POU2F1: variants seen among roughly 807,000 people sequenced by gnomAD.
POU2F1 encodes the protein POU domain, class 2, transcription factor 1.
POU2F1 carries 16 observed loss-of-function variants against 84.9 expected under a neutral mutation model. The observed-to-expected ratio is 0.19, with a 90% confidence interval of 0.13 to 0.29. The LOEUF (loss-of-function observed/expected upper bound fraction) is 0.29, where lower values mean the gene tolerates loss of function less well. POU2F1 is among the 10% of genes least tolerant of loss of function. POU2F1 has a pLI of 1.00. For synonymous variants in POU2F1, 368 were observed against 368.3 expected (o/e 1.00, Z 0.01); for missense variants, 738 against 942.6 (o/e 0.78, Z 2.84).
chr1:167,324,652 T>G (rs542810513), intron 1 of POU2F1, among the ~76,000 whole-genome samples: 1 of 152,232 alleles, frequency 6.6e-6, no homozygotes, highest in East Asian at 1.9e-4. Flanking sequence ...TGTGCCTGAG[T>G]CCCCAACCCC....
chr1:167,326,619 G>T (rs1656724384), intron 1 of POU2F1, among the ~76,000 whole-genome samples: 1 of 152,046 alleles, frequency 6.6e-6, no homozygotes, highest in Non-Finnish European at 1.5e-5. Flanking sequence ...TTTTTTTCTG[G>T]GTGAGCTTTG....
At chr1:167,369,251 G>A (rs1294350955) in intron 3 of POU2F1, among the ~76,000 whole-genome samples, 2 of 152,136 alleles carry the variant, frequency 1.3e-5, no homozygotes, top group Non-Finnish European at 2.9e-5. Context: ...TGCAGCATAA[G>A]CAATGCTGTA....
Position 167,294,353 on chromosome 1 carries a change from A to G in POU2F1, c.62-38117A>G, listed in dbSNP as rs577881561. On this transcript the variant is annotated intron_variant, in intron 1 of 15. Transcript: ENST00000367866. ...GACAGAGTGAGACTCCATCTAAAAA[A>G]TAATAATAAAAAAAGAATCATGACT... Among the ~76,000 whole-genome samples the G allele has an allele frequency of 1.3e-3, 201 of 152,090 alleles. 1 individual carries two copies. Among genetic ancestry groups the G allele is most frequent in the African/African-American group, 4.6e-3 (189 of 41,492 alleles).
At chr1:167,367,970 T>A (rs1659790104) in intron 3 of POU2F1, among the ~76,000 whole-genome samples, 1 of 152,134 alleles carries the variant, frequency 6.6e-6, no homozygotes, top group Admixed American at 6.6e-5. Context: ...TTATAACCAT[T>A]TACTTCTAAA....
intron 2 of POU2F1, among the ~76,000 whole-genome samples, chr1:167,351,506 T>C (rs12724363): frequency 0.19 from 14,374 of 76,918 alleles, 2,012 homozygotes; most frequent in African/African-American, 0.45. Flanking sequence ...TCAGGAAGAA[T>C]GAAGCACCAT....
chr1:167,393,497 TATTTA>T lies in POU2F1; in HGVS notation c.988-2788_988-2784del, dbSNP rs933167594. 2.0e-4 allele frequency among the ~76,000 whole-genome samples: 30 copies of T among 152,208 alleles called. No homozygotes were observed. In the East Asian group the frequency reaches 5.4e-3, roughly 27 times the overall value. On this transcript the variant is annotated intron_variant, in intron 9 of 15. Transcript: ENST00000367866. ...TTTTTTAATATATATTTTATTTACT[TATTTA>T]TTTATTTTTTTTAGAGAGAGGGTCT...
intron 1 of POU2F1, among the ~76,000 whole-genome samples, chr1:167,322,650 C>T (rs927165581): frequency 1.3e-5 from 2 of 152,132 alleles, no homozygotes; most frequent in Non-Finnish European, 2.9e-5. Flanking sequence ...AACCCAGTGG[C>T]GCTAGAGGAA....
chr1:167,271,576 T>C (rs1652369388), intron 1 of POU2F1, among the ~76,000 whole-genome samples: 1 of 152,156 alleles, frequency 6.6e-6, no homozygotes, highest in Non-Finnish European at 1.5e-5. Context: ...GGTGGCTTAT[T>C]TTCTGACATG....
rs1003376841 is a variant in POU2F1, at chr1:167,426,629, A to G, written c.*10819A>G. 2 of 151,468 alleles carry G rather than the reference A, an allele frequency of 1.3e-5. No individual in the cohort carries two copies. Among genetic ancestry groups the G allele is most frequent in the East Asian group, 1.9e-4 (1 of 5,166 alleles). The allele number at this position is 151,468 out of a possible 1,614,324, so 9.4% of individuals were successfully genotyped here. A position where few individuals can be genotyped will look rare whatever the true frequency, so the allele number is the denominator to read the frequency against. The stretch of plus-strand genomic sequence containing the variant: ...TTTTTCTTCCTTTTTTGTCTTAATT[A>G]TTAATTCAGGGGTGTTTGTCCACTG... On this transcript the variant is annotated 3_prime_UTR_variant, in exon 16 of 16. Coordinates refer to ENST00000367866, the MANE Select transcript of POU2F1 (RefSeq NM_002697.4).
At chr1:167,330,138 T>C (rs1656986274) in intron 1 of POU2F1, among the ~76,000 whole-genome samples, 1 of 152,192 alleles carries the variant, frequency 6.6e-6, no homozygotes, top group South Asian at 2.1e-4. Flanking sequence ...TTGAGACTTT[T>C]TTAGTTACTC....
intron 1 of POU2F1, among the ~76,000 whole-genome samples, chr1:167,308,137 G>T (rs1655212880): frequency 6.6e-6 from 1 of 151,484 alleles, no homozygotes; most frequent in Non-Finnish European, 1.5e-5. Context: ...TGCAATCTCG[G>T]CTCACTGCAG....
At chr1:167,317,051 C>T (rs1655957699) in intron 1 of POU2F1, among the ~76,000 whole-genome samples, 1 of 152,136 alleles carries the variant, frequency 6.6e-6, no homozygotes, top group South Asian at 2.1e-4. Context: ...ACCACCACAC[C>T]TGACTAAATT....
At chr1:167,282,166 C>T (rs1336568257) in intron 1 of POU2F1, among the ~76,000 whole-genome samples, 1 of 148,284 alleles carries the variant, frequency 6.7e-6, no homozygotes, top group Non-Finnish European at 1.5e-5. Context: ...TTTTCTGAGA[C>T]GAGTCTCGCT....
At chr1:167,368,391 T>A (rs956325878) in intron 3 of POU2F1, among the ~76,000 whole-genome samples, 1 of 152,120 alleles carries the variant, frequency 6.6e-6, no homozygotes, top group Admixed American at 6.5e-5. Flanking sequence ...ATTGTGATAT[T>A]AAGTTTGATT....
In POU2F1 at chr1:167,307,963, C is replaced by T. The variant is rs980510952; in HGVS notation, c.62-24507C>T. ...TGAATTTGGGTTTACCTCATGGTTC[C>T]GCATGATTAGATTCAAGTCATGCCA... On this transcript the variant is annotated intron_variant, in intron 1 of 15. Transcript: ENST00000367866. Among the ~76,000 whole-genome samples, 52 of 152,026 alleles carry T rather than the reference C, an allele frequency of 3.4e-4. 1 individual carries two copies. Among genetic ancestry groups the T allele is most frequent in the East Asian group, 5.8e-4 (3 of 5,192 alleles).
intron 2 of POU2F1, among the ~76,000 whole-genome samples, chr1:167,351,601 A>G (rs1289628340): frequency 1.3e-5 from 2 of 151,886 alleles, no homozygotes; most frequent in Admixed American, 1.3e-4. Flanking sequence ...TAATGATTAA[A>G]CGTCCTAAGG....
intron 1 of POU2F1, chr1:167,257,809 C>G (rs1041490861): frequency 1.3e-5 from 2 of 148,186 alleles, no homozygotes; most frequent in African/African-American, 5.0e-5. Context: ...AGGTCTTGCT[C>G]TGTCTCCCAG....
At chr1:167,278,998 A>G (rs1652933401) in intron 1 of POU2F1, among the ~76,000 whole-genome samples, 1 of 152,216 alleles carries the variant, frequency 6.6e-6, no homozygotes, top group Non-Finnish European at 1.5e-5. Context: ...AGGGGAATAC[A>G]TAATTACACA....
At chr1:167,241,390 AC>A (rs1238076354) in intron 1 of POU2F1, 4 of 152,156 alleles carry the variant, frequency 2.6e-5, no homozygotes, top group Non-Finnish European at 5.9e-5. Flanking sequence ...TTAATCAGGA[AC>A]CTTTTATGAT....
Sources: gnomAD v4.1 joint callset for allele counts (sites outside exome capture counted in the v4.1 genomes callset) on GRCh38, gnomAD v4.1.1 for gene constraint, MANE v1.5 for transcripts, NCBI Gene and HGNC (gene_info 2026-07-23, HGNC 2026-07-21) for gene names.